The following LBP variants were observed in gnomAD, a reference collection of about 807,000 sequenced individuals.
LBP encodes the protein lipopolysaccharide-binding protein.
A neutral mutation model predicts 56.6 loss-of-function variants in LBP; 53 were observed. The observed-to-expected ratio is 0.94, with a 90% CI of 0.75 to 1.18. The LOEUF is 1.18. LBP is among the 50% of genes most tolerant of loss of function. The pLI, the probability that LBP is intolerant of heterozygous loss-of-function variation, is 0.00. For missense variants in LBP, 601 were observed against 598.3 expected (o/e 1.00, Z -0.05); for synonymous variants, 227 against 247.5 (o/e 0.92, Z 0.78).
chr20:38,364,496 C>T (rs540797583), intron 7 of LBP, 80 bp from the exon 8 acceptor site: 5 of 1,339,386 alleles, frequency 3.7e-6, no homozygotes, highest in African/African-American at 2.9e-5. Flanking sequence ...GTCCCTTCAT[C>T]GGACTGTGTA....
In LBP at chr20:38,354,327, AT is replaced by A; in HGVS notation, c.415del (p.Ser139ArgfsTer40). Reference sequence around the variant, plus strand: ...TGATGTCAGTGTCAAGGGCATCAGCATTTCGGTCAACCTCCTGTTGGGCAGC... The same window carrying A: ...TGATGTCAGTGTCAAGGGCATCAGCATTCGGTCAACCTCCTGTTGGGCAGC... Reference protein sequence around the residue: ...SFDVSVKGISISVNLLLGSES... With the variant: ...SFDVSVKGISXSVNLLLGSES... On this transcript the variant is annotated frameshift_variant, in exon 4 of 15. Transcript: ENST00000217407. LOFTEE classifies it high-confidence loss of function. 1.2e-6 allele frequency: 2 copies of A among 1,613,762 alleles called. No homozygotes were observed. Among genetic ancestry groups the A allele is most frequent in the Non-Finnish European group, 1.7e-6 (2 of 1,179,936 alleles).
chr20:38,346,978 C>T (rs1219567749), intron 1 of LBP, among the ~76,000 whole-genome samples: 2 of 152,120 alleles, frequency 1.3e-5, no homozygotes, highest in African/African-American at 4.8e-5. Context: ...ATTAAACCAG[C>T]CACCACCTCT....
chr20:38,370,258 C>A (rs1333921298), intron 10 of LBP, among the ~76,000 whole-genome samples: 1 of 152,030 alleles, frequency 6.6e-6, no homozygotes, highest in Non-Finnish European at 1.5e-5. Context: ...CACCTGTAGT[C>A]CTATCTACTC....
intron 6 of LBP, among the ~76,000 whole-genome samples, chr20:38,363,344 C>G (rs1181176001): frequency 6.6e-6 from 1 of 152,180 alleles, no homozygotes; most frequent in East Asian, 1.9e-4. Context: ...TAATAAGTCC[C>G]CCACTGATGG....
rs1175828869 is a variant in LBP, at chr20:38,346,544, T to C, written c.28T>C (p.Ser10Pro). MGALARALP[S>P]ILLALLLTST... ...GGGGGCCTTGGCCAGAGCCCTGCCGTCCATACTGCTGGCATTGCTGCTTAC... is the reference window on the plus strand; with the variant it reads ...GGGGGCCTTGGCCAGAGCCCTGCCGCCCATACTGCTGGCATTGCTGCTTAC... The change falls in exon 1 of 15, where the codon TCC (serine) becomes CCC (proline). Residue 10 changes from serine to proline, a missense_variant. Transcript: ENST00000217407. 1 of 1,613,598 alleles carries C rather than the reference T, an allele frequency of 6.2e-7. No individual in the cohort carries two copies. The highest frequency in any genetic ancestry group is 1.3e-5 in the African/African-American group (1 of 74,922).
chr20:38,361,937 A>C (rs1266115577), intron 6 of LBP, among the ~76,000 whole-genome samples: 3 of 152,056 alleles, frequency 2.0e-5, no homozygotes, highest in African/African-American at 7.2e-5. Flanking sequence ...TTGCACATGA[A>C]TGGAATCAGA....
At chr20:38,353,879 T>G (rs1463561645) in intron 3 of LBP, among the ~76,000 whole-genome samples, 8 of 152,180 alleles carry the variant, frequency 5.3e-5, no homozygotes, top group Non-Finnish European at 1.0e-4. Flanking sequence ...GTTCTTTCTT[T>G]CCTTGTTAAT....
At chr20:38,371,652 A>G (rs552232927) in intron 12 of LBP, among the ~76,000 whole-genome samples, 1 of 152,356 alleles carries the variant, frequency 6.6e-6, no homozygotes, top group East Asian at 1.9e-4. Flanking sequence ...AACTAAGACC[A>G]GAGGTTTCAG....
At chr20:38,349,247 G>A (rs2076811947) in intron 1 of LBP, among the ~76,000 whole-genome samples, 1 of 152,202 alleles carries the variant, frequency 6.6e-6, no homozygotes, top group South Asian at 2.1e-4. Flanking sequence ...TGGAGAACAA[G>A]AAGGAGGACT....
At chr20:38,373,290 C>A (rs1739640) in intron 13 of LBP, among the ~76,000 whole-genome samples, 155 bp downstream of exon 13, 1 of 151,910 alleles carries the variant, frequency 6.6e-6, no homozygotes, top group East Asian at 1.9e-4. Flanking sequence ...GACATGGGAT[C>A]GTTGAAGTTG....
chr20:38,363,712 G>A (rs1466583798), intron 6 of LBP, among the ~76,000 whole-genome samples: 1 of 152,116 alleles, frequency 6.6e-6, no homozygotes, highest in Non-Finnish European at 1.5e-5. Flanking sequence ...GACTCATGGT[G>A]TGTGTGTATG....
At chr20:38,349,312 C>T (rs1453470192) in intron 1 of LBP, among the ~76,000 whole-genome samples, 1 of 152,208 alleles carries the variant, frequency 6.6e-6, no homozygotes, top group Non-Finnish European at 1.5e-5. Flanking sequence ...CAAAGGCATT[C>T]CATTTCCTCA....
intron 11 of LBP, 128 bp downstream of exon 11, chr20:38,370,933 G>A (rs1453151649): frequency 1.3e-6 from 1 of 796,386 alleles, no homozygotes; most frequent in Non-Finnish European, 2.2e-6. Context: ...CACCCCAATT[G>A]GCCCAATTCT....
In LBP at chr20:38,360,863, T is replaced by C. The variant is rs2076857643; in HGVS notation, c.652+96T>C. 1.5e-5 allele frequency: 14 copies of C among 963,316 alleles called. No homozygotes were observed. The South Asian group carries it at 2.1e-4, about 15-fold the overall frequency. 59.7% of individuals were successfully genotyped at this position (963,316 alleles called of 1,614,324 possible). A position where few individuals can be genotyped will look rare whatever the true frequency, so the allele number is the denominator to read the frequency against. On this transcript the variant is annotated intron_variant, in intron 6 of 14. Coordinates refer to ENST00000217407, the MANE Select transcript of LBP (RefSeq NM_004139.5). ...TAAAATAGTAAATGGGGCAAAAATA[T>C]AGAAAGTAAAAATTAAGGGCCAGGC...
chr20:38,367,570 A>G (rs552908005), intron 9 of LBP, among the ~76,000 whole-genome samples: 8 of 152,252 alleles, frequency 5.3e-5, no homozygotes, highest in Non-Finnish European at 1.2e-4. Context: ...CTATTCCCTA[A>G]CCACCCAGTT....
At position 38,376,880 on chromosome 20, in the gene LBP, G is replaced by A. The variant is rs1158368899; in HGVS notation, c.*211G>A. ...TCTGGACTTTGCTTCCCCTCCAGGA[G>A]GGACCACCCTCCCCGACTGGCCTGG... On this transcript the variant is annotated 3_prime_UTR_variant, in exon 15 of 15. Coordinates refer to ENST00000217407, the MANE Select transcript of LBP (RefSeq NM_004139.5). 2 of 694,366 alleles carry A rather than the reference G, an allele frequency of 2.9e-6. No individual in the cohort carries two copies. The highest frequency in any genetic ancestry group is 2.8e-5 in the East Asian group (1 of 36,354). The allele number at this position is 694,366 out of a possible 1,614,324, so 43.0% of individuals were successfully genotyped here. A position where few individuals can be genotyped will look rare whatever the true frequency, so the allele number is the denominator to read the frequency against.
rs535477958 is a variant in LBP at position 38,356,428 on chromosome 20, A to G, written c.588+1019A>G. Among the ~76,000 whole-genome samples the G allele has an allele frequency of 3.0e-3, 241 of 80,488 alleles. 3 individuals carry two copies. Among genetic ancestry groups the G allele is most frequent in the African/African-American group, 0.019 (180 of 9,516 alleles). The allele number at this position is 80,488 out of a possible 152,430, so 52.8% of individuals were successfully genotyped here. A position where few individuals can be genotyped will look rare whatever the true frequency, so the allele number is the denominator to read the frequency against. On this transcript the variant is annotated intron_variant, in intron 5 of 14. Transcript: ENST00000217407. ...CCACACCACACACACGCGCACACAC[A>G]CACACACACACACACACACACACAC...
chr20:38,349,613 G>C lies in LBP; in HGVS notation c.190G>C (p.Gly64Arg), dbSNP rs530646236. 3.5e-5 allele frequency: 56 copies of C among 1,611,714 alleles called. No individual in the cohort carries two copies. In the South Asian group the frequency reaches 5.2e-4, roughly 15 times the overall value. Residue 64 changes from glycine to arginine, a missense_variant, in exon 2 of 15, where the codon GGG (glycine) becomes CGG (arginine). Transcript: ENST00000217407. ...LLRITLPDFT[G>R]DLRIPHVGRG... ...CAGGATCACGCTGCCTGACTTCACC[G>C]GGGACTTGAGGATCCCCCACGTCGG...
At chr20:38,367,524 T>G (rs1384986127) in intron 9 of LBP, among the ~76,000 whole-genome samples, 1 of 152,224 alleles carries the variant, frequency 6.6e-6, no homozygotes, top group Non-Finnish European at 1.5e-5. Flanking sequence ...TCAAAAGATC[T>G]AGAAGGTTAT....
Sources: gnomAD v4.1 joint callset for allele counts (sites outside exome capture counted in the v4.1 genomes callset) on GRCh38, gnomAD v4.1.1 for gene constraint, MANE v1.5 for transcripts, NCBI Gene and HGNC (gene_info 2026-07-23, HGNC 2026-07-21) for gene names.